The following FKBP6 variants were observed in gnomAD, a reference collection of about 807,000 sequenced individuals.
The protein encoded by FKBP6 is FKBP prolyl isomerase family member 6 (inactive).
A neutral mutation model predicts 41.7 loss-of-function variants in FKBP6; 29 were observed. The observed-to-expected ratio is 0.70, with a 90% CI of 0.52 to 0.95. FKBP6 has a LOEUF of 0.95. Ranked by LOEUF, FKBP6 falls within the 40% of genes least tolerant of loss-of-function variation. The pLI is 0.00. For missense variants in FKBP6, 338 were observed against 408.7 expected, an observed-to-expected ratio of 0.83 and a Z score of 1.49; for synonymous variants, 130 against 165.1, an observed-to-expected ratio of 0.79 and a Z score of 1.63.
intron 8 of FKBP6, among the ~76,000 whole-genome samples, chr7:73,349,826 C>T (rs900073909): frequency 2.6e-5 from 4 of 151,850 alleles, no homozygotes; most frequent in Non-Finnish European, 4.4e-5. Flanking sequence ...CCTGGAAGCT[C>T]TCCAAACCCT....
intron 8 of FKBP6, among the ~76,000 whole-genome samples, chr7:73,356,671 T>C (rs1805640405): frequency 6.6e-6 from 1 of 152,272 alleles, no homozygotes; most frequent in Non-Finnish European, 1.5e-5. Context: ...AAGTTATTTT[T>C]GATAACTCTG....
rs782322008 is a variant in FKBP6 at position 73,330,370 on chromosome 7, G to A, written c.468+18G>A. ...TCTCAGCTGTAAGTTCCAGAGCACA[G>A]ATGTCAGCACTTTATAGAGAGACGA... On this transcript the variant is annotated intron_variant, in intron 4 of 8. Coordinates refer to ENST00000252037, the MANE Select transcript of FKBP6 (RefSeq NM_003602.5). 2 of 1,578,842 alleles carry A rather than the reference G, an allele frequency of 1.3e-6. No homozygotes were observed. The highest frequency in any genetic ancestry group is 1.7e-6 in the Non-Finnish European group (2 of 1,147,790).
intron 5 of FKBP6, among the ~76,000 whole-genome samples, chr7:73,332,808 A>G (rs1324464426): frequency 6.6e-6 from 1 of 152,142 alleles, no homozygotes; most frequent in Non-Finnish European, 1.5e-5. Flanking sequence ...GTCCTCCACC[A>G]ACCGATTTCT....
intron 8 of FKBP6, among the ~76,000 whole-genome samples, chr7:73,351,051 C>T (rs1805475720): frequency 6.6e-6 from 1 of 152,112 alleles, no homozygotes; most frequent in Non-Finnish European, 1.5e-5. Context: ...TGAATAAAGA[C>T]TTGTTTAAAT....
At chr7:73,344,401 A>C (rs887623506) in intron 8 of FKBP6, among the ~76,000 whole-genome samples, 1 of 152,220 alleles carries the variant, frequency 6.6e-6, no homozygotes, top group South Asian at 2.1e-4. Context: ...TACCATCAGC[A>C]ATGACTGTAT....
At chr7:73,352,413 G>A (rs1805515791) in intron 8 of FKBP6, among the ~76,000 whole-genome samples, 1 of 152,180 alleles carries the variant, frequency 6.6e-6, no homozygotes, top group Admixed American at 6.5e-5. Flanking sequence ...CACCAACCTG[G>A]ATAATTAAGT....
chr7:73,352,574 G>A (rs1583825012), intron 8 of FKBP6, among the ~76,000 whole-genome samples: 1 of 152,164 alleles, frequency 6.6e-6, no homozygotes, highest in East Asian at 1.9e-4. Flanking sequence ...CAAGACCTTT[G>A]GTTGTAGCTG....
intron 8 of FKBP6, among the ~76,000 whole-genome samples, chr7:73,347,660 T>A (rs539473786): frequency 1.1e-3 from 160 of 152,344 alleles, no homozygotes; most frequent in African/African-American, 3.6e-3. Flanking sequence ...CACTTTGTTT[T>A]TAGAGACAGA....
At position 73,329,396 on chromosome 7, in the gene FKBP6, C is replaced by G; in HGVS notation, c.212C>G (p.Pro71Arg). The G allele has an allele frequency of 6.2e-7, 1 of 1,609,560 alleles. No homozygotes were observed. The highest frequency in any genetic ancestry group is 2.2e-5 in the East Asian group (1 of 44,864). ...YSGYLEHMDR[P>R]FDSNYFRKTP... ...GGATACCTGGAACACATGGACAGAC[C>G]CTTCGATTCTAATTACTTTAGGAAA... Residue 71 changes from proline (P) to arginine (R), a missense_variant, in exon 3 of 9, where the codon CCC (proline) becomes CGC (arginine). Pro to Arg is a moderately radical substitution (Grantham distance 103). Around this residue, in one of 2 missense-constraint regions of FKBP6, gnomAD observed 99 missense variants for 158.6 expected, o/e 0.62. Transcript: ENST00000252037.
At chr7:73,357,701 G>C (rs1554552159) in intron 8 of FKBP6, among the ~76,000 whole-genome samples, 1 of 152,008 alleles carries the variant, frequency 6.6e-6, no homozygotes, top group Non-Finnish European at 1.5e-5. Flanking sequence ...AGGGAGGAAA[G>C]AGAAGGGAAA....
In FKBP6 at chr7:73,334,190, G is replaced by A. The variant is rs1467459181; in HGVS notation, c.588+2414G>A. Among the ~76,000 whole-genome samples, 5 of 152,248 alleles carry A rather than the reference G, an allele frequency of 3.3e-5. No homozygotes were observed. In the South Asian group the frequency reaches 6.2e-4, roughly 19 times the overall value. ...GACCTGTTTTTTCTTCTGTAGAGAC[G>A]AAGATCGTTTTTCCCCGGCATTCCT... On this transcript the variant is annotated intron_variant, in intron 5 of 8. Coordinates refer to ENST00000252037, the MANE Select transcript of FKBP6 (RefSeq NM_003602.5).
chr7:73,343,335 A>T (rs567656210), intron 8 of FKBP6, among the ~76,000 whole-genome samples: 9 of 152,238 alleles, frequency 5.9e-5, no homozygotes, highest in Middle Eastern at 3.4e-3. Flanking sequence ...TTTATTTTTT[A>T]AAAAACCTTT....
At chr7:73,338,624 A>G (rs1258731748) in intron 5 of FKBP6, among the ~76,000 whole-genome samples, 2 of 152,224 alleles carry the variant, frequency 1.3e-5, no homozygotes, top group Non-Finnish European at 2.9e-5. Context: ...ATTTCTCCAC[A>G]TCTTCACCAA....
At chr7:73,348,656 C>A (rs769388770) in intron 8 of FKBP6, among the ~76,000 whole-genome samples, 3 of 152,184 alleles carry the variant, frequency 2.0e-5, no homozygotes, top group African/African-American at 7.2e-5. Context: ...ATTTCAGACT[C>A]CAGTGACAAT....
chr7:73,330,412 G>A, intron 4 of FKBP6, 60 bp downstream of exon 4: 1 of 1,338,160 alleles, frequency 7.5e-7, no homozygotes, highest in Non-Finnish European at 1.1e-6. Context: ...TGGTGTTATT[G>A]GTAATTCTTC....
intron 8 of FKBP6, among the ~76,000 whole-genome samples, chr7:73,344,553 T>G (rs1348175392): frequency 6.6e-6 from 1 of 151,954 alleles, no homozygotes; most frequent in Non-Finnish European, 1.5e-5. Context: ...AAGCTAAAAA[T>G]CCAGTCATCT....
At chr7:73,357,805 C>T (rs1325805349) in intron 8 of FKBP6, among the ~76,000 whole-genome samples, 9 of 151,570 alleles carry the variant, frequency 5.9e-5, no homozygotes, top group African/African-American at 1.5e-4. Flanking sequence ...GCCAACATGA[C>T]GAAATCCTGT....
intron 8 of FKBP6, among the ~76,000 whole-genome samples, chr7:73,345,222 G>GAA (rs1156457847): frequency 2.9e-4 from 19 of 66,588 alleles, no homozygotes; most frequent in East Asian, 3.2e-4. Flanking sequence ...GCATCAGCCA[G>GAA]AAAAAAAAAA....
intron 8 of FKBP6, among the ~76,000 whole-genome samples, chr7:73,351,695 G>C (rs1186218210): frequency 2.6e-5 from 4 of 152,156 alleles, no homozygotes; most frequent in African/African-American, 9.7e-5. Flanking sequence ...CTTGGCAGCC[G>C]TAATAGGCCT....
Sources: allele counts gnomAD v4.1 joint callset (sites outside exome capture counted in the v4.1 genomes callset), GRCh38; gene constraint gnomAD v4.1.1; regional missense constraint gnomAD v4.1.1; transcripts MANE v1.5; gene names NCBI Gene and HGNC (gene_info 2026-07-23, HGNC 2026-07-21).